Variants in ADGRE5 observed in about 807,000 individuals in gnomAD.
ADGRE5 encodes the protein adhesion G protein-coupled receptor E5.
Under a neutral mutation model 100.3 loss-of-function variants are expected in ADGRE5, and 72 were observed. That is an observed-to-expected ratio of 0.72 (90% confidence interval 0.59 to 0.87). The LOEUF (loss-of-function observed/expected upper bound fraction) is 0.87, where lower values mean the gene tolerates loss of function less well. Ranked by LOEUF, ADGRE5 falls within the 40% of genes least tolerant of loss-of-function variation. The probability of loss-of-function intolerance (pLI) is 0.00; values close to 1 mark genes in which losing one functional copy is unlikely to be tolerated. For missense variants in ADGRE5, 959 were observed against 1,094.7 expected (o/e 0.88, Z 1.75); for synonymous variants, 439 against 447.8 (o/e 0.98, Z 0.25).
At chr19:14,402,263 C>T (rs1004877114) in intron 11 of ADGRE5, among the ~76,000 whole-genome samples, 18 of 151,778 alleles carry the variant, frequency 1.2e-4, no homozygotes, top group African/African-American at 4.4e-4. Flanking sequence ...GGTGAAACCC[C>T]ATCTCTACTA....
chr19:14,382,803 G>A (rs1033314350), intron 1 of ADGRE5, among the ~76,000 whole-genome samples: 6 of 151,674 alleles, frequency 4.0e-5, no homozygotes, highest in African/African-American at 1.5e-4. Flanking sequence ...TCCGCCTCCT[G>A]GGTTCAAGCG....
chr19:14,383,627 C>G (rs972163820), intron 1 of ADGRE5, among the ~76,000 whole-genome samples: 6 of 152,028 alleles, frequency 3.9e-5, no homozygotes, highest in African/African-American at 1.5e-4. Flanking sequence ...CCCCACCACC[C>G]CCCACCCCAG....
At chr19:14,384,132 C>G (rs1975250053) in intron 1 of ADGRE5, among the ~76,000 whole-genome samples, 1 of 152,034 alleles carries the variant, frequency 6.6e-6, no homozygotes, top group African/African-American at 2.4e-5. Flanking sequence ...GAGGAACTAG[C>G]CAAGCCTTGT....
At position 14,406,719 on chromosome 19, in the gene ADGRE5, C is replaced by T. The variant is rs759307157; in HGVS notation, c.2068C>T (p.Gln690Ter). Residue 690 changes from glutamine (Q) to a stop codon, truncating the protein, a stop_gained, in exon 16 of 20, where the codon CAG (glutamine) becomes TAG (stop). Transcript: ENST00000242786. LOFTEE classifies it high-confidence loss of function. The surrounding 1 kb of genome is among the most constrained non-coding windows in gnomAD (Gnocchi z 6.0). ...RPRYCWLDFE[Q>*]GFLWSFLGPV... is the part of the protein sequence containing the mutation. Reference sequence around the variant, plus strand: ...TCCTAGCTGCTGGTTGGACTTTGAGCAGGGCTTCCTCTGGAGCTTCTTGGG... The same window carrying T: ...TCCTAGCTGCTGGTTGGACTTTGAGTAGGGCTTCCTCTGGAGCTTCTTGGG... 2.5e-6 allele frequency: 4 copies of T among 1,614,138 alleles called. No homozygotes were observed. The South Asian group carries it at 4.4e-5, about 18-fold the overall frequency.
chr19:14,402,602 G>T lies in ADGRE5; in HGVS notation c.1189G>T (p.Ala397Ser). The T allele has an allele frequency of 1.2e-6, 2 of 1,614,040 alleles. No individual in the cohort carries two copies. Among genetic ancestry groups the T allele is most frequent in the Non-Finnish European group, 1.7e-6 (2 of 1,179,974 alleles). The change falls in exon 12 of 20, where the codon GCC (alanine) becomes TCC (serine). Residue 397 changes from alanine (A) to serine (S), a missense_variant. This residue lies in a region of ADGRE5 where 246 missense variants were observed against 242.2 expected (regional missense o/e 1.02). Transcript: ENST00000242786. ...CGAGTGTGTCTGTTCCCCAGGCCCC[G>T]CCGTGGCGGGCATCCTCTCCATCCA... ...VAAGAEDPGP[A>S]VAGILSIQNM...
chr19:14,401,884 AT>A lies in ADGRE5; in HGVS notation c.1183+128del. On this transcript the variant is annotated intron_variant, in intron 11 of 19. Transcript: ENST00000242786. The surrounding 1 kb of genome is among the most constrained non-coding windows in gnomAD (Gnocchi z 4.1). ...GGTGGCTCACGCCTGCAATCCCAGC[AT>A]TTTGGGAGGCCCAGGTGGGTAGATC... The A allele has an allele frequency of 1.7e-6, 1 of 584,880 alleles. No individual in the cohort carries two copies. Among genetic ancestry groups the A allele is most frequent in the Non-Finnish European group, 2.8e-6 (1 of 356,766 alleles). The allele number at this position is 584,880 out of a possible 1,614,324, so 36.2% of individuals were successfully genotyped here.
chr19:14,405,873 C>A lies in ADGRE5; in HGVS notation c.1755C>A (p.His585Gln), dbSNP rs113243506. 19 of 1,612,792 alleles carry A rather than the reference C, an allele frequency of 1.2e-5. No individual in the cohort carries two copies. Among genetic ancestry groups the A allele is most frequent in the Non-Finnish European group, 1.6e-5 (19 of 1,180,002 alleles). ...IQGSRTTIHL[H>Q]LCICLFVGST... ...GCTCGCGCACCACCATACACCTGCA[C>A]CTCTGCATCTGCCTCTTCGTGGGCT... Residue 585 changes from histidine (H) to glutamine (Q), a missense_variant, in exon 14 of 20, where the codon CAC (histidine) becomes CAA (glutamine). By Grantham distance (24) the His-to-Gln change is conservative (BLOSUM62 0). Transcript: ENST00000242786.
In ADGRE5 at chr19:14,391,055, A is replaced by G; in HGVS notation, c.322A>G (p.Asn108Asp). Residue 108 changes from asparagine (N) to aspartate (D), a missense_variant, in exon 4 of 20, where the codon AAT becomes GAT. By Grantham distance (23) the Asn-to-Asp change is conservative. Transcript: ENST00000242786. ...TGTTTCTGGGGCAAAAACATTCAAG[A>G]ATGAGAGCGAGAACACCTGTCAAGG... ...EPVSGAKTFK[N>D]ESENTCQDVD... 1 of 1,614,170 alleles carries G rather than the reference A, an allele frequency of 6.2e-7. No individual in the cohort carries two copies. The highest frequency in any genetic ancestry group is 8.5e-7 in the Non-Finnish European group (1 of 1,180,032).
chr19:14,393,965 A>C (rs1975689059), intron 4 of ADGRE5, among the ~76,000 whole-genome samples: 1 of 152,136 alleles, frequency 6.6e-6, no homozygotes, highest in African/African-American at 2.4e-5. Context: ...TCATTGGCCC[A>C]ATACCTGTGC....
chr19:14,398,082 C>T lies in ADGRE5; in HGVS notation c.840C>T (p.Asp280=). The change falls in exon 9 of 20, where the codon GAC becomes GAT. Residue 280 remains aspartate (D), a synonymous_variant. Coordinates refer to ENST00000242786, the MANE Select transcript of ADGRE5 (RefSeq NM_078481.4). ...VHSQTLSRFF[D]KVQDLGRDSK... is the part of the protein sequence containing the mutation. Reference sequence around the variant, plus strand: ...TGCAGACGCTTTCCCGATTCTTCGACAAAGTCCAGGACCTGGGCAGAGACT... The same window carrying T: ...TGCAGACGCTTTCCCGATTCTTCGATAAAGTCCAGGACCTGGGCAGAGACT... 1.2e-6 allele frequency: 2 copies of T among 1,614,066 alleles called. No individual in the cohort carries two copies. Among genetic ancestry groups the T allele is most frequent in the South Asian group, 1.1e-5 (1 of 91,078 alleles).
In ADGRE5 at chr19:14,406,810, C is replaced by T; in HGVS notation, c.2115+44C>T. ...TCCACCGAAGCCCGAGCGCCACAGG[C>T]CCAGGCCCGGCTGGACCATCGCTCT... is the stretch of plus-strand genomic sequence containing the variant. On this transcript the variant is annotated intron_variant, in intron 16 of 19. Transcript: ENST00000242786. This position sits in a 1 kb window ranked among gnomAD's most constrained non-coding sequence, Gnocchi z 6.0. 6.2e-7 allele frequency: 1 copy of T among 1,610,168 alleles called. No individual in the cohort carries two copies. The highest frequency in any genetic ancestry group is 1.1e-5 in the South Asian group (1 of 91,010).
chr19:14,403,586 T>C (rs1282076866), intron 12 of ADGRE5, among the ~76,000 whole-genome samples: 2 of 152,104 alleles, frequency 1.3e-5, no homozygotes, highest in African/African-American at 4.8e-5. Flanking sequence ...ATTCCTGGGC[T>C]CCAGTGATCC....
rs758061202 is a variant in ADGRE5 at position 14,406,741 on chromosome 19, T to C, written c.2090T>C (p.Leu697Ser). The C allele has an allele frequency of 9.3e-6, 15 of 1,614,036 alleles. No individual in the cohort carries two copies. Among genetic ancestry groups the C allele is most frequent in the African/African-American group, 6.7e-5 (5 of 74,924 alleles). The change falls in exon 16 of 20, where the codon TTG (leucine) becomes TCG (serine). Residue 697 changes from leucine (L) to serine (S), a missense_variant. Leu to Ser is a moderately radical substitution (Grantham distance 145). This residue lies in a region of ADGRE5 where 428 missense variants were observed against 386.2 expected (regional missense o/e 1.11). Transcript: ENST00000242786. The surrounding 1 kb of genome is among the most constrained non-coding windows in gnomAD (Gnocchi z 6.0). ...GAGCAGGGCTTCCTCTGGAGCTTCT[T>C]GGGACCTGTGACCTTCATCATTTTG... ...DFEQGFLWSF[L>S]GPVTFIILCN...
chr19:14,397,134 A>G lies in ADGRE5; in HGVS notation c.536A>G (p.Asn179Ser). 1.1e-5 allele frequency: 18 copies of G among 1,614,164 alleles called. No homozygotes were observed. Among genetic ancestry groups the G allele is most frequent in the Non-Finnish European group, 1.4e-5 (17 of 1,180,034 alleles). ...TGCCACAGCTCCACCCACTGCCTCAACAACGTGGGCAGCTATCAGTGCCGC... is the reference window on the plus strand; with the variant it reads ...TGCCACAGCTCCACCCACTGCCTCAGCAACGTGGGCAGCTATCAGTGCCGC... ...NPCHSSTHCL[N>S]NVGSYQCRCR... Residue 179 changes from asparagine (N) to serine (S), a missense_variant, in exon 6 of 20, where the codon AAC (asparagine) becomes AGC (serine). Coordinates refer to ENST00000242786, the MANE Select transcript of ADGRE5 (RefSeq NM_078481.4).
At chr19:14,394,534 A>G (rs2146358473) in intron 4 of ADGRE5, among the ~76,000 whole-genome samples, 1 of 152,226 alleles carries the variant, frequency 6.6e-6, no homozygotes, top group East Asian at 1.9e-4. Flanking sequence ...AGCTCGGAAC[A>G]TCCCCCTGCC....
At chr19:14,382,118 G>A (rs898095284) in intron 1 of ADGRE5, among the ~76,000 whole-genome samples, 7 of 151,156 alleles carry the variant, frequency 4.6e-5, no homozygotes, top group African/African-American at 1.5e-4. Flanking sequence ...GTGACTTCCT[G>A]GGACTCCCTT....
chr19:14,393,873 T>C (rs1350558671), intron 4 of ADGRE5, among the ~76,000 whole-genome samples: 2 of 152,168 alleles, frequency 1.3e-5, no homozygotes, highest in Non-Finnish European at 2.9e-5. Context: ...AGAGTCTTCA[T>C]GTGAACTGGA....
In ADGRE5 at chr19:14,401,306, G is replaced by C. The variant is rs1975999154; in HGVS notation, c.898-80G>C. 7.9e-7 allele frequency: 1 copy of C among 1,268,264 alleles called. No homozygotes were observed. The allele number at this position is 1,268,264 out of a possible 1,614,324, so 78.6% of individuals were successfully genotyped here. Reference sequence around the variant, plus strand: ...CCTGTGGGTCTCCAGTGTGTCCCCTGGTAGGGGGTGACATCCAGGTCCTTC... The same window carrying C: ...CCTGTGGGTCTCCAGTGTGTCCCCTCGTAGGGGGTGACATCCAGGTCCTTC... On this transcript the variant is annotated intron_variant, in intron 9 of 19. Coordinates refer to ENST00000242786, the MANE Select transcript of ADGRE5 (RefSeq NM_078481.4). This position sits in a 1 kb window ranked among gnomAD's most constrained non-coding sequence, Gnocchi z 4.1.
In ADGRE5 at chr19:14,407,190, C is replaced by T. The variant is rs376341660; in HGVS notation, c.2337C>T (p.Gly779=). The change falls in exon 18 of 20, where the codon GGC becomes GGT. Residue 779 remains glycine (G), a synonymous_variant. Transcript: ENST00000242786. ...TTACCATCCTCAACTGCCTGCAGGGCGCCTTCCTCTACCTGCTGCACTGCC... is the reference window on the plus strand; with the variant it reads ...TTACCATCCTCAACTGCCTGCAGGGTGCCTTCCTCTACCTGCTGCACTGCC... ...YVFTILNCLQ[G]AFLYLLHCLL... is the part of the protein sequence containing the mutation. 9 of 1,613,984 alleles carry T rather than the reference C, an allele frequency of 5.6e-6. No homozygotes were observed. Among genetic ancestry groups the T allele is most frequent in the Middle Eastern group, 1.6e-4 (1 of 6,084 alleles).
Sources: gnomAD v4.1 joint callset for allele counts (sites outside exome capture counted in the v4.1 genomes callset) on GRCh38, gnomAD v4.1.1 for gene constraint, gnomAD v4.1.1 regional missense constraint, Gnocchi (gnomAD v3.1) non-coding constraint, MANE v1.5 for transcripts, NCBI Gene and HGNC (gene_info 2026-07-23, HGNC 2026-07-21) for gene names.